BLTP1: variants seen among roughly 807,000 people sequenced by gnomAD.
The protein encoded by BLTP1 is bridge-like lipid transfer protein family member 1.
the BLTP1 span, chr4:122,263,031 T>C: frequency 6.4e-7 from 1 of 1,573,736 alleles, no homozygotes; most frequent in African/African-American, 1.3e-5. Context: ...TACGGGGGAA[T>C]TGAGATGAAA....
chr4:122,240,765 T>C, the BLTP1 span, among the ~76,000 whole-genome samples: 1 of 152,242 alleles, frequency 6.6e-6, no homozygotes, highest in Non-Finnish European at 1.5e-5. Flanking sequence ...GTTCTTATAA[T>C]TCAGTATGAA....
the BLTP1 span, chr4:122,261,478 G>C: frequency 9.2e-6 from 9 of 981,246 alleles, no homozygotes; most frequent in South Asian, 1.4e-4. Context: ...ATTTTAAATT[G>C]ATCGGCCATT....
the BLTP1 span, chr4:122,254,446 A>G: frequency 3.1e-6 from 4 of 1,288,570 alleles, no homozygotes; most frequent in Non-Finnish European, 4.2e-6. Flanking sequence ...TTTCTGGTAT[A>G]TATAGTATTA....
chr4:122,171,121 A>G, the BLTP1 span, among the ~76,000 whole-genome samples: 7 of 152,184 alleles, frequency 4.6e-5, no homozygotes, highest in Admixed American at 4.6e-4. Flanking sequence ...TTCTATTTTT[A>G]TAGTAAAATA....
the BLTP1 span, chr4:122,324,270 A>G: frequency 5.8e-6 from 2 of 347,188 alleles, no homozygotes; most frequent in African/African-American, 4.5e-5. Context: ...ACCAAAGAAT[A>G]GCTGATTCCT....
chr4:122,359,665 C>T, the BLTP1 span: 1 of 1,612,600 alleles, frequency 6.2e-7, no homozygotes, highest in Non-Finnish European at 8.5e-7. Context: ...ATCACTTATA[C>T]TACTGTGGAC....
the BLTP1 span, chr4:122,341,023 T>A: frequency 1.9e-5 from 3 of 160,250 alleles, no homozygotes; most frequent in Non-Finnish European, 2.7e-5. Context: ...CCTAAATTAT[T>A]AAATATTCAT....
chr4:122,230,123 A>G, the BLTP1 span: 1 of 1,614,128 alleles, frequency 6.2e-7, no homozygotes, highest in Non-Finnish European at 8.5e-7. Context: ...AGGACTTATT[A>G]CTGTTGATAT....
chr4:122,197,083 T>A, the BLTP1 span: 2 of 654,124 alleles, frequency 3.1e-6, no homozygotes, highest in African/African-American at 3.9e-5. Context: ...TCTTAGGAAC[T>A]TGTAATACTT....
chr4:122,285,896 C>G, the BLTP1 span, among the ~76,000 whole-genome samples: 1 of 152,088 alleles, frequency 6.6e-6, no homozygotes, highest in Non-Finnish European at 1.5e-5. Context: ...AATAGTAAAG[C>G]TGGTATATTT....
At chr4:122,254,089 C>A in the BLTP1 span, 1 of 1,036,162 alleles carries the variant, frequency 9.7e-7, no homozygotes, top group Non-Finnish European at 1.4e-6. Context: ...AAGACTTTCC[C>A]AGACTTGATT....
At chr4:122,189,249 T>G in the BLTP1 span, 1 of 938,304 alleles carries the variant, frequency 1.1e-6, no homozygotes, top group Non-Finnish European at 1.3e-6. Flanking sequence ...AATTGCAAGT[T>G]TTTGCATTTA....
chr4:122,262,103 G>T, the BLTP1 span, among the ~76,000 whole-genome samples: 1 of 150,004 alleles, frequency 6.7e-6, no homozygotes, highest in African/African-American at 2.4e-5. Context: ...GTTTCTTTGA[G>T]TACCTAGACT....
chr4:122,322,871 T>C, the BLTP1 span, among the ~76,000 whole-genome samples: 1 of 152,162 alleles, frequency 6.6e-6, no homozygotes, highest in African/African-American at 2.4e-5. Flanking sequence ...GGGCATTTTT[T>C]CTTATTCAGA....
At chr4:122,350,126 T>A in the BLTP1 span, 3 of 1,552,202 alleles carry the variant, frequency 1.9e-6, no homozygotes, top group South Asian at 2.5e-5. Flanking sequence ...ACTAAATATG[T>A]TACATTTTTA....
chr4:122,181,169 A>T, the BLTP1 span: 1 of 372,004 alleles, frequency 2.7e-6, no homozygotes, highest in Non-Finnish European at 3.7e-6. Context: ...AATCATCTAT[A>T]AAGCAGATCA....
At chr4:122,297,188 A>G in the BLTP1 span, among the ~76,000 whole-genome samples, 1 of 152,150 alleles carries the variant, frequency 6.6e-6, no homozygotes, top group Non-Finnish European at 1.5e-5. Flanking sequence ...TAATATCCAG[A>G]GTCTACAAGT....
the BLTP1 span, among the ~76,000 whole-genome samples, chr4:122,302,797 G>T: frequency 6.6e-6 from 1 of 152,178 alleles, no homozygotes; most frequent in African/African-American, 2.4e-5. Context: ...TGAATGGTGT[G>T]GATAGACCAG....
chr4:122,246,110 T>C, the BLTP1 span: 1 of 1,518,412 alleles, frequency 6.6e-7, no homozygotes, highest in Non-Finnish European at 8.8e-7. Flanking sequence ...ATGTGGAAGT[T>C]ATGAAAAGCT....
Sources: gnomAD v4.1 joint callset for allele counts (sites outside exome capture counted in the v4.1 genomes callset) on GRCh38, gnomAD v4.1.1 for gene constraint, MANE v1.5 for transcripts, NCBI Gene and HGNC (gene_info 2026-07-23, HGNC 2026-07-21) for gene names.